Variants in SOX6 observed in about 807,000 individuals in gnomAD.
SOX6 encodes the protein transcription factor SOX-6.
A neutral mutation model predicts 97.8 loss-of-function variants in SOX6; 11 were observed. That is an observed-to-expected ratio of 0.11 (90% CI 0.07 to 0.19). The LOEUF (loss-of-function observed/expected upper bound fraction) is 0.19. Ranked by LOEUF, SOX6 falls within the 10% of genes least tolerant of loss-of-function variation. The pLI, the probability that SOX6 is intolerant of heterozygous loss-of-function variation, is 1.00. For missense variants in SOX6, 810 were observed against 1,039.5 expected, an observed-to-expected ratio of 0.78 and a Z score of 3.04; for synonymous variants, 360 against 371.4, an observed-to-expected ratio of 0.97 and a Z score of 0.35.
chr11:16,454,903 G>A (rs181010396), intron 1 of SOX6, among the ~76,000 whole-genome samples: 32 of 152,024 alleles, frequency 2.1e-4, no homozygotes, highest in Non-Finnish European at 3.4e-4. Context: ...ATGATTTCTT[G>A]GCAGACTGAG....
chr11:16,614,554 T>C (rs1247650819), intron 3 of SOX6, among the ~76,000 whole-genome samples: 1 of 152,252 alleles, frequency 6.6e-6, no homozygotes, highest in East Asian at 1.9e-4. Context: ...TTCCCATTCC[T>C]ACCCCTATGG....
At chr11:16,085,710 T>A (rs1848562189) in intron 9 of SOX6, among the ~76,000 whole-genome samples, 1 of 152,184 alleles carries the variant, frequency 6.6e-6, no homozygotes, top group Admixed American at 6.5e-5. Context: ...TGAACATAAA[T>A]GACCATAATC....
chr11:16,201,672 CG>C (rs1565016439), intron 4 of SOX6, among the ~76,000 whole-genome samples: 3 of 112,716 alleles, frequency 2.7e-5, no homozygotes. Flanking sequence ...CTCGCTCTGT[CG>C]CCCAGGCTGG....
intron 4 of SOX6, among the ~76,000 whole-genome samples, chr11:16,500,432 T>C (rs1310291903): frequency 6.6e-6 from 1 of 152,144 alleles, no homozygotes; most frequent in Non-Finnish European, 1.5e-5. Flanking sequence ...ACCACTCCTA[T>C]TCAACGTAGT....
At chr11:16,448,808 G>T (rs942913853) in intron 1 of SOX6, among the ~76,000 whole-genome samples, 1 of 152,106 alleles carries the variant, frequency 6.6e-6, no homozygotes, top group African/African-American at 2.4e-5. Context: ...AAGGCAGGAG[G>T]ATCCCTTGAA....
chr11:16,594,765 A>G (rs1164849124), intron 4 of SOX6, among the ~76,000 whole-genome samples: 5 of 122,662 alleles, frequency 4.1e-5, no homozygotes, highest in African/African-American at 1.3e-4. Flanking sequence ...ATCTCGGCTC[A>G]CTGCAAGCTC....
At chr11:16,279,111 C>T (rs933863179) in intron 3 of SOX6, among the ~76,000 whole-genome samples, 3 of 152,044 alleles carry the variant, frequency 2.0e-5, no homozygotes, top group East Asian at 1.9e-4. Flanking sequence ...TTCCACACTG[C>T]CATTCTTTTA....
At chr11:16,089,288 C>T (rs769898159) in intron 9 of SOX6, among the ~76,000 whole-genome samples, 2 of 151,824 alleles carry the variant, frequency 1.3e-5, no homozygotes, top group African/African-American at 2.4e-5. Flanking sequence ...TTTAGAAAAC[C>T]GGGGGGAAAG....
chr11:16,294,977 G>A (rs1855029046), intron 3 of SOX6, among the ~76,000 whole-genome samples: 1 of 151,986 alleles, frequency 6.6e-6, no homozygotes, highest in East Asian at 1.9e-4. Flanking sequence ...TAGGTACCCT[G>A]TAATCTAACT....
intron 4 of SOX6, among the ~76,000 whole-genome samples, chr11:16,513,826 T>G (rs535988933): frequency 6.6e-6 from 1 of 152,252 alleles, no homozygotes; most frequent in African/African-American, 2.4e-5. Flanking sequence ...TGATTCTTAT[T>G]CCACAAATAA....
At chr11:16,087,206 A>AT (rs1848596985) in intron 9 of SOX6, among the ~76,000 whole-genome samples, 1 of 152,316 alleles carries the variant, frequency 6.6e-6, no homozygotes, top group African/African-American at 2.4e-5. Context: ...GTAAAAGGCT[A>AT]TAAAATAGGT....
At chr11:16,143,130 C>A (rs1275492465) in intron 6 of SOX6, among the ~76,000 whole-genome samples, 3 of 152,110 alleles carry the variant, frequency 2.0e-5, no homozygotes, top group Non-Finnish European at 4.4e-5. Context: ...AAAGGGAAAC[C>A]CATCAGACTA....
intron 13 of SOX6, among the ~76,000 whole-genome samples, chr11:16,009,178 T>C (rs1226657882): frequency 6.6e-6 from 1 of 152,104 alleles, no homozygotes; most frequent in Non-Finnish European, 1.5e-5. Context: ...CAAAGGCATG[T>C]CATCTCTGAT....
At chr11:16,146,015 T>A (rs1025823394) in intron 6 of SOX6, among the ~76,000 whole-genome samples, 4 of 152,102 alleles carry the variant, frequency 2.6e-5, no homozygotes, top group Non-Finnish European at 5.9e-5. Flanking sequence ...AAAGTTCATA[T>A]GGAACCAAAA....
At chr11:16,099,650 G>C (rs1392316752) in intron 7 of SOX6, among the ~76,000 whole-genome samples, 4 of 149,740 alleles carry the variant, frequency 2.7e-5, no homozygotes, top group Non-Finnish European at 4.4e-5. Context: ...AACTCTAAAA[G>C]AATTCCCTGG....
chr11:16,464,041 C>T (rs190458957), intron 1 of SOX6, among the ~76,000 whole-genome samples: 4 of 152,156 alleles, frequency 2.6e-5, no homozygotes, highest in African/African-American at 9.7e-5. Context: ...TATGGTTATA[C>T]AGGATATCTC....
At chr11:16,730,920 C>T (rs1213958360) in intron 2 of SOX6, among the ~76,000 whole-genome samples, 1 of 152,076 alleles carries the variant, frequency 6.6e-6, no homozygotes, top group South Asian at 2.1e-4. Flanking sequence ...GGGGATATCA[C>T]CACTGATCCC....
intron 4 of SOX6, among the ~76,000 whole-genome samples, chr11:16,489,686 A>G (rs1334172200): frequency 6.6e-6 from 1 of 152,176 alleles, no homozygotes; most frequent in Non-Finnish European, 1.5e-5. Context: ...AGCAATTAGT[A>G]CAGTACCCTG....
At chr11:16,385,636 T>C (rs1857960444) in intron 1 of SOX6, among the ~76,000 whole-genome samples, 1 of 152,098 alleles carries the variant, frequency 6.6e-6, no homozygotes, top group South Asian at 2.1e-4. Context: ...TTAAATTGGA[T>C]ACACCCAAGT....
Sources: allele counts gnomAD v4.1 joint callset (sites outside exome capture counted in the v4.1 genomes callset), GRCh38; gene constraint gnomAD v4.1.1; transcripts MANE v1.5; gene names NCBI Gene and HGNC (gene_info 2026-07-23, HGNC 2026-07-21).